The following GALNT17 variants were observed in gnomAD, a reference collection of about 807,000 sequenced individuals.
GALNT17 encodes UDP-GalNAc:polypeptide N-acetylgalactosaminyltransferase-like 3.
A neutral mutation model predicts 63.7 loss-of-function variants in GALNT17; 29 were observed. That is an observed-to-expected ratio of 0.46 (90% CI 0.34 to 0.62). The LOEUF (loss-of-function observed/expected upper bound fraction) is 0.62, where lower values mean the gene tolerates loss of function less well. Among genes scored for constraint, GALNT17 ranks in the 20% least tolerant of loss-of-function variants. GALNT17 has a pLI of 0.01. For synonymous variants in GALNT17, 305 were observed against 318.3 expected, an observed-to-expected ratio of 0.96 and a Z score of 0.45; for missense variants, 603 against 799.6, an observed-to-expected ratio of 0.75 and a Z score of 2.97.
At chr7:71,507,543 C>T (rs186716395) in intron 5 of GALNT17, among the ~76,000 whole-genome samples, 4 of 152,286 alleles carry the variant, frequency 2.6e-5, no homozygotes, top group East Asian at 1.9e-4. Flanking sequence ...ACCCTGGGTC[C>T]GCCTTTGACC....
intron 5 of GALNT17, among the ~76,000 whole-genome samples, chr7:71,480,072 C>G (rs934960775): frequency 6.6e-6 from 1 of 151,958 alleles, no homozygotes; most frequent in African/African-American, 2.4e-5. Flanking sequence ...CCACACTAAC[C>G]CCAGTTGGGC....
intron 2 of GALNT17, among the ~76,000 whole-genome samples, chr7:71,386,541 T>C (rs1792947985): frequency 6.6e-6 from 1 of 152,152 alleles, no homozygotes; most frequent in Non-Finnish European, 1.5e-5. Context: ...GGACGGACTC[T>C]CGGTGCACCT....
intron 1 of GALNT17, among the ~76,000 whole-genome samples, chr7:71,302,956 C>A (rs1791227600): frequency 6.6e-6 from 1 of 152,042 alleles, no homozygotes; most frequent in Admixed American, 6.5e-5. Context: ...CCTCCACCTC[C>A]TGGGTTCAAG....
chr7:71,538,867 T>TGGGA (rs1296536238), intron 5 of GALNT17, among the ~76,000 whole-genome samples: 3 of 143,790 alleles, frequency 2.1e-5, no homozygotes, highest in African/African-American at 7.8e-5. Flanking sequence ...GGAGGGATGG[T>TGGGA]GGGAGAGAGG....
intron 1 of GALNT17, among the ~76,000 whole-genome samples, chr7:71,293,941 C>T (rs944493820): frequency 3.9e-5 from 6 of 152,038 alleles, no homozygotes; most frequent in East Asian, 3.9e-4. Context: ...GGGTGGGTCA[C>T]GAGGTCAGGA....
intron 1 of GALNT17, among the ~76,000 whole-genome samples, chr7:71,328,867 T>C (rs1301256595): frequency 6.6e-6 from 1 of 152,088 alleles, no homozygotes. Flanking sequence ...ATTCCCTGTG[T>C]CTCCTTGGTG....
At chr7:71,345,785 T>G (rs1792080063) in intron 2 of GALNT17, among the ~76,000 whole-genome samples, 1 of 152,178 alleles carries the variant, frequency 6.6e-6, no homozygotes, top group African/African-American at 2.4e-5. Flanking sequence ...CATCTGATTA[T>G]AGTAGCTGCA....
intron 5 of GALNT17, among the ~76,000 whole-genome samples, chr7:71,485,709 A>G (rs1450812599): frequency 6.6e-6 from 1 of 152,182 alleles, no homozygotes; most frequent in African/African-American, 2.4e-5. Context: ...GACATGGTTT[A>G]TGGCCTTGTC....
intron 1 of GALNT17, chr7:71,300,544 C>G (rs776069015): frequency 2.6e-6 from 1 of 386,140 alleles, no homozygotes; most frequent in Non-Finnish European, 5.2e-6. Flanking sequence ...AACAGCTGTT[C>G]TTCCTAGCTT....
intron 1 of GALNT17, among the ~76,000 whole-genome samples, chr7:71,293,722 T>C (rs1318483154): frequency 6.6e-6 from 1 of 152,198 alleles, no homozygotes; most frequent in Non-Finnish European, 1.5e-5. Context: ...TGTTTTAGGT[T>C]AGCAATTCTT....
chr7:71,480,116 G>A (rs554214207), intron 5 of GALNT17, among the ~76,000 whole-genome samples: 5 of 150,754 alleles, frequency 3.3e-5, no homozygotes, highest in African/African-American at 9.8e-5. Flanking sequence ...TAACAGTCAC[G>A]GGTCCACAGC....
intron 1 of GALNT17, among the ~76,000 whole-genome samples, chr7:71,191,731 G>A (rs1309493150): frequency 6.6e-6 from 1 of 152,156 alleles, no homozygotes; most frequent in Non-Finnish European, 1.5e-5. Flanking sequence ...AAGAGCAACT[G>A]TGTCTGCTTT....
At chr7:71,684,344 TA>T (rs1791318500) in intron 9 of GALNT17, among the ~76,000 whole-genome samples, 1 of 152,194 alleles carries the variant, frequency 6.6e-6, no homozygotes, top group South Asian at 2.1e-4. Context: ...AAGAGGGGGC[TA>T]GGGGTAGTGC....
At chr7:71,503,272 G>A (rs776989147) in intron 5 of GALNT17, among the ~76,000 whole-genome samples, 9 of 152,070 alleles carry the variant, frequency 5.9e-5, no homozygotes, top group Non-Finnish European at 1.3e-4. Context: ...CCAGGGTCTC[G>A]CTCTGTCACC....
At chr7:71,166,721 T>G (rs1585852292) in intron 1 of GALNT17, among the ~76,000 whole-genome samples, 1 of 152,242 alleles carries the variant, frequency 6.6e-6, no homozygotes, top group East Asian at 1.9e-4. Context: ...ACAGTTTGTT[T>G]ACCCATTCTC....
At chr7:71,461,545 G>A (rs117172285) in intron 5 of GALNT17, among the ~76,000 whole-genome samples, 2,175 of 152,264 alleles carry the variant, frequency 0.014, 27 homozygotes, top group South Asian at 0.051. Flanking sequence ...ATTTGAAGAG[G>A]GATTGCTGAA....
intron 1 of GALNT17, among the ~76,000 whole-genome samples, chr7:71,274,179 C>G (rs988357153): frequency 6.6e-6 from 1 of 152,216 alleles, no homozygotes; most frequent in African/African-American, 2.4e-5. Context: ...CAGCATTTGG[C>G]AGCTAGTTTG....
chr7:71,255,811 T>C (rs961527814), intron 1 of GALNT17, among the ~76,000 whole-genome samples: 12 of 152,038 alleles, frequency 7.9e-5, no homozygotes, highest in African/African-American at 2.9e-4. Context: ...AGAGACTAGA[T>C]ACATCTGCTG....
At chr7:71,356,655 A>C (rs1461695590) in intron 2 of GALNT17, among the ~76,000 whole-genome samples, 5 of 152,190 alleles carry the variant, frequency 3.3e-5, no homozygotes, top group Admixed American at 6.5e-5. Context: ...GATAGCTCCA[A>C]GGCGTTCATG....
Sources: allele counts gnomAD v4.1 joint callset (sites outside exome capture counted in the v4.1 genomes callset), GRCh38; gene constraint gnomAD v4.1.1; transcripts MANE v1.5; gene names NCBI Gene and HGNC (gene_info 2026-07-23, HGNC 2026-07-21).